POLD2: variants seen among roughly 807,000 people sequenced by gnomAD.
POLD2 encodes DNA polymerase delta 2, accessory subunit.
Under a neutral mutation model 48.8 loss-of-function variants are expected in POLD2, and 31 were observed. The observed-to-expected ratio is 0.64, with a 90% CI of 0.48 to 0.86. POLD2 has a LOEUF of 0.86. Among genes scored for constraint, POLD2 ranks in the 40% least tolerant of loss-of-function variants. POLD2 has a pLI of 0.00. For synonymous variants in POLD2, 233 were observed against 256.3 expected, an observed-to-expected ratio of 0.91 and a Z score of 0.87; for missense variants, 455 against 610.1, an observed-to-expected ratio of 0.75 and a Z score of 2.68.
rs2096240017 is a variant in POLD2, at chr7:44,116,595, G to T, written c.781-85C>A. 4.2e-6 allele frequency: 5 copies of T among 1,189,566 alleles called. No homozygotes were observed. In the South Asian group the frequency reaches 5.2e-5, roughly 12 times the overall value. 73.7% of individuals were successfully genotyped at this position (1,189,566 alleles called of 1,614,324 possible). A position where few individuals can be genotyped will look rare whatever the true frequency, so the allele number is the denominator to read the frequency against. On this transcript the variant is annotated intron_variant, in intron 6 of 10. Transcript: ENST00000610533. This position sits in a 1 kb window ranked among gnomAD's most constrained non-coding sequence, Gnocchi z 6.1. ...AGAGCCCCACCAGCTGGAAGATGCA[G>T]TTGTTGTCCCATAGACCCTCACTCC...
chr7:44,117,340 C>A (rs2096241768), intron 4 of POLD2, 93 bp from the exon 5 acceptor site: 3 of 912,020 alleles, frequency 3.3e-6, no homozygotes, highest in Admixed American at 2.0e-5. Flanking sequence ...CAGTTCTCCA[C>A]AACCACATTG....
intron 4 of POLD2, 184 bp downstream of exon 4, chr7:44,117,435 A>G (rs771496395): frequency 1.0e-5 from 8 of 784,348 alleles, no homozygotes; most frequent in Non-Finnish European, 1.6e-5. Flanking sequence ...CCCATCTCCC[A>G]GCCAGGTCTC....
chr7:44,119,856 C>T (rs2096245922), intron 2 of POLD2, among the ~76,000 whole-genome samples: 1 of 152,236 alleles, frequency 6.6e-6, no homozygotes, highest in South Asian at 2.1e-4. Flanking sequence ...GTGCTGTGAA[C>T]AAATGGTGAG....
At position 44,114,794 on chromosome 7, in the gene POLD2, C is replaced by CA. The variant is rs754937998; in HGVS notation, c.1400dup (p.Ter470LeufsTer25). On this transcript the variant is annotated frameshift_variant, in exon 11 of 11. Transcript: ENST00000610533. LOFTEE classifies it high-confidence loss of function. ...AAACCACTTTTTTGAGTCAGGGGCCCAGCCCCAGGCCTCCCAGGTCATCGT... is the reference window on the plus strand; with the variant it reads ...AAACCACTTTTTTGAGTCAGGGGCCCAAGCCCCAGGCCTCCCAGGTCATCGT... The CA allele has an allele frequency of 1.2e-6, 2 of 1,606,424 alleles. No homozygotes were observed. The highest frequency in any genetic ancestry group is 1.7e-5 in the Admixed American group (1 of 59,724).
intron 9 of POLD2, 104 bp downstream of exon 9, chr7:44,115,662 A>G: frequency 7.8e-7 from 1 of 1,288,754 alleles, no homozygotes; most frequent in South Asian, 1.4e-5. Context: ...GACAGTTCTC[A>G]GCAATGCTGG....
intron 2 of POLD2, among the ~76,000 whole-genome samples, chr7:44,119,011 A>G (rs1406869650): frequency 2.0e-5 from 2 of 101,722 alleles, no homozygotes; most frequent in African/African-American, 7.9e-5. Flanking sequence ...CTTCCACCCT[A>G]CCCCCCACCC....
In POLD2 at chr7:44,121,700, G is replaced by C; in HGVS notation, c.220+134C>G. On this transcript the variant is annotated intron_variant, in intron 2 of 10. Coordinates refer to ENST00000610533, the MANE Select transcript of POLD2 (RefSeq NM_006230.4). The surrounding 1 kb of genome is among the most constrained non-coding windows in gnomAD (Gnocchi z 4.5). ...CTTGTTACTATCTTAAGAAGAAACT[G>C]AGGGAAAAAGAGGTTAATTTTCCCA... 1.2e-6 allele frequency: 1 copy of C among 834,408 alleles called. No homozygotes were observed. Among genetic ancestry groups the C allele is most frequent in the Non-Finnish European group, 1.8e-6 (1 of 540,654 alleles). The allele number at this position is 834,408 out of a possible 1,614,324, so 51.7% of individuals were successfully genotyped here. A position where few individuals can be genotyped will look rare whatever the true frequency, so the allele number is the denominator to read the frequency against.
chr7:44,118,192 A>AGGCTCCCTACCCGTAACC, intron 2 of POLD2, 128 bp from the exon 3 acceptor site: 1 of 1,070,656 alleles, frequency 9.3e-7, no homozygotes. Context: ...AGAGAACATC[A>AGGCTCCCTACCCGTAACC]AGTACAAGGA....
At position 44,114,912 on chromosome 7, in the gene POLD2, A is replaced by G; in HGVS notation, c.1283T>C (p.Val428Ala). 6.2e-7 allele frequency: 1 copy of G among 1,612,826 alleles called. No homozygotes were observed. The highest frequency in any genetic ancestry group is 8.5e-7 in the Non-Finnish European group (1 of 1,179,094). ...GGTCTGCGTGGCACTGAAGTCAGGGACAGTCACCAACAGCACTGTCTGGTC... is the reference window on the plus strand; with the variant it reads ...GGTCTGCGTGGCACTGAAGTCAGGGGCAGTCACCAACAGCACTGTCTGGTC... ...PEDQTVLLVT[V>A]PDFSATQTAC... Residue 428 changes from valine (V) to alanine (A), a missense_variant, in exon 11 of 11, where the codon GTC becomes GCC. Transcript: ENST00000610533.
Position 44,116,155 on chromosome 7 carries a change from G to C in POLD2, c.979C>G (p.Leu327Val). ...GTGGCCTGGTAGGGGTTGGTGACCA[G>C]CTGGAGCGTGGAGTAGGCAGTGGCC... Reference protein sequence around the residue: ...PLATAYSTLQLVTNPYQATID... With the variant: ...PLATAYSTLQVVTNPYQATID... The change falls in exon 8 of 11, where the codon CTG (leucine) becomes GTG (valine). Residue 327 changes from leucine to valine, a missense_variant. Physicochemically the swap from Leu to Val is conservative, Grantham distance 32. Coordinates refer to ENST00000610533, the MANE Select transcript of POLD2 (RefSeq NM_006230.4). The surrounding 1 kb of genome is among the most constrained non-coding windows in gnomAD (Gnocchi z 6.1). 6.2e-7 allele frequency: 1 copy of C among 1,613,786 alleles called. No homozygotes were observed. Among genetic ancestry groups the C allele is most frequent in the African/African-American group, 1.3e-5 (1 of 75,050 alleles).
rs757701304 is a variant in POLD2 at position 44,117,209 on chromosome 7, C to T, written c.505G>A (p.Gly169Arg). The T allele has an allele frequency of 1.9e-6, 3 of 1,614,004 alleles. No individual in the cohort carries two copies. The highest frequency in any genetic ancestry group is 1.1e-5 in the South Asian group (1 of 91,042). Reference sequence around the variant, plus strand: ...CAATAGTCCTCCACCAGAAACTTCCCGTCGTCTCTCACGGAGCCAAACACA... The same window carrying T: ...CAATAGTCCTCCACCAGAAACTTCCTGTCGTCTCTCACGGAGCCAAACACA... ...LAVFGSVRDD[G>R]KFLVEDYCFA... The change falls in exon 5 of 11, where the codon GGG (glycine) becomes AGG (arginine). Residue 169 changes from glycine (G) to arginine (R), a missense_variant. Around this residue, in one of 3 missense-constraint regions of POLD2, gnomAD observed 349 missense variants for 437.4 expected, o/e 0.80. Transcript: ENST00000610533.
At chr7:44,122,273 A>C in intron 1 of POLD2, 164 bp from the exon 2 acceptor site, 12 of 1,422,662 alleles carry the variant, frequency 8.4e-6, no homozygotes, top group East Asian at 2.5e-5. Context: ...CTGGATACCG[A>C]TGTCTCACCC....
At position 44,116,521 on chromosome 7, in the gene POLD2, A is replaced by C. The variant is rs781127560; in HGVS notation, c.781-11T>G. 3 of 1,564,634 alleles carry C rather than the reference A, an allele frequency of 1.9e-6. No individual in the cohort carries two copies. The South Asian group carries it at 3.5e-5, about 18-fold the overall frequency. Reference sequence around the variant, plus strand: ...GGTGAGGTATTTGGCCTGGAATAGAAGCCCAGAAGGCCATCAGGCCCAGGC... The same window carrying C: ...GGTGAGGTATTTGGCCTGGAATAGACGCCCAGAAGGCCATCAGGCCCAGGC... On this transcript the variant is annotated splice_polypyrimidine_tract_variant and intron_variant, in intron 6 of 10. Coordinates refer to ENST00000610533, the MANE Select transcript of POLD2 (RefSeq NM_006230.4). This position sits in a 1 kb window ranked among gnomAD's most constrained non-coding sequence, Gnocchi z 6.1.
chr7:44,123,279 T>C, intron 1 of POLD2: 5 of 1,361,358 alleles, frequency 3.7e-6, no homozygotes, highest in East Asian at 3.1e-5. Context: ...AGTGACTCGT[T>C]AGGAGCTTTT....
At chr7:44,123,747 C>T (rs2096251731), upstream of POLD2, 1 of 1,324,136 alleles carries the variant, frequency 7.6e-7, no homozygotes, top group Non-Finnish European at 9.6e-7. Context: ...CGGGGGCTCG[C>T]AGGCCGGCGC....
chr7:44,122,322 G>A (rs1000215120), intron 1 of POLD2: 20 of 1,359,404 alleles, frequency 1.5e-5, no homozygotes, highest in African/African-American at 3.0e-5. Flanking sequence ...AAAGCTAGGA[G>A]TGTTTGTCCC....
In POLD2 at chr7:44,114,757, C is replaced by T. The variant is rs768173125; in HGVS notation, c.*28G>A. The T allele has an allele frequency of 4.4e-6, 7 of 1,587,830 alleles. No individual in the cohort carries two copies. The East Asian group carries it at 9.0e-5, about 20-fold the overall frequency. On this transcript the variant is annotated 3_prime_UTR_variant, in exon 11 of 11. Transcript: ENST00000610533. ...AGGGAATGAACAGCCTCCATCTGGG[C>T]CTCTCTGGTCAAAACCACTTTTTTG...
intron 1 of POLD2, chr7:44,123,203 G>C: frequency 8.0e-7 from 1 of 1,244,680 alleles, no homozygotes; most frequent in African/African-American, 1.6e-5. Flanking sequence ...ATTCCCTAGC[G>C]GCTTGCAATC....
rs573360689 is a variant in POLD2 at position 44,119,389 on chromosome 7, G to A, written c.221-1325C>T. Among the ~76,000 whole-genome samples, 11 of 152,264 alleles carry A rather than the reference G, an allele frequency of 7.2e-5. No homozygotes were observed. The East Asian group carries it at 1.9e-3, about 27-fold the overall frequency. On this transcript the variant is annotated intron_variant, in intron 2 of 10. Transcript: ENST00000610533. ...AGCCTGAGCCCCTGCTGCCTGGGAA[G>A]AACCAGGAATATTCCTCAAATCTAC... is the stretch of plus-strand genomic sequence containing the variant.
Sources: allele counts gnomAD v4.1 joint callset (sites outside exome capture counted in the v4.1 genomes callset), GRCh38; gene constraint gnomAD v4.1.1; regional missense constraint gnomAD v4.1.1; non-coding constraint Gnocchi (gnomAD v3.1); transcripts MANE v1.5; gene names NCBI Gene and HGNC (gene_info 2026-07-23, HGNC 2026-07-21).